The following CORIN variants were observed in gnomAD, a reference collection of about 807,000 sequenced individuals.
The protein encoded by CORIN is atrial natriuretic peptide-converting enzyme.
CORIN carries 117 observed loss-of-function variants against 125.3 expected under a neutral mutation model. The observed-to-expected ratio is 0.93, with a 90% CI of 0.80 to 1.09. The LOEUF (loss-of-function observed/expected upper bound fraction) is 1.09, where lower values mean the gene tolerates loss of function less well. Among genes scored for constraint, CORIN ranks in the 50% least tolerant of loss-of-function variants. The pLI is 0.00. For synonymous variants in CORIN, 450 were observed against 466.4 expected (o/e 0.96, Z 0.45); for missense variants, 1,253 against 1,306.7 (o/e 0.96, Z 0.63).
chr4:47,681,562 CTGG>C (rs369485667), intron 7 of CORIN: 14 of 152,312 alleles, frequency 9.2e-5, no homozygotes, highest in African/African-American at 3.4e-4. Context: ...AATTATCTCA[CTGG>C]TAAAGGGAAG....
intron 19 of CORIN, among the ~76,000 whole-genome samples, chr4:47,623,092 C>CTATATATATA (rs34165105): frequency 1.8e-5 from 2 of 111,126 alleles, no homozygotes; most frequent in South Asian, 3.1e-4. Context: ...CTCTCTCTCT[C>CTATATATATA]TCTCTATATA....
chr4:47,691,943 C>T (rs1018662365), intron 6 of CORIN, among the ~76,000 whole-genome samples: 32 of 152,234 alleles, frequency 2.1e-4, no homozygotes, highest in African/African-American at 6.5e-4. Flanking sequence ...GATCAGTATT[C>T]TCAAGCACTT....
Position 47,594,076 on chromosome 4 carries a change from T to G in CORIN, c.*1645A>C, listed in dbSNP as rs1721163020. Reference sequence around the variant, plus strand: ...ATATATATATTTCACTGAGCCTAAGTTGAGCAGGCTAAAAGTTGATACATT... The same window carrying G: ...ATATATATATTTCACTGAGCCTAAGGTGAGCAGGCTAAAAGTTGATACATT... On this transcript the variant is annotated 3_prime_UTR_variant, in exon 22 of 22. Coordinates refer to ENST00000273857, the MANE Select transcript of CORIN (RefSeq NM_006587.4). The G allele has an allele frequency of 1.3e-5, 2 of 151,990 alleles. No individual in the cohort carries two copies. The highest frequency in any genetic ancestry group is 4.8e-5 in the African/African-American group (2 of 41,422). The allele number at this position is 151,990 out of a possible 1,614,324, so 9.4% of individuals were successfully genotyped here. A position where few individuals can be genotyped will look rare whatever the true frequency, so the allele number is the denominator to read the frequency against.
At chr4:47,774,636 A>G (rs1730208781) in intron 3 of CORIN, among the ~76,000 whole-genome samples, 1 of 152,122 alleles carries the variant, frequency 6.6e-6, no homozygotes, top group Non-Finnish European at 1.5e-5. Context: ...GGTCAAAGCA[A>G]AGAGGAAAAG....
At chr4:47,702,276 C>T (rs917512592) in intron 5 of CORIN, among the ~76,000 whole-genome samples, 1 of 152,068 alleles carries the variant, frequency 6.6e-6, no homozygotes, top group East Asian at 1.9e-4. Flanking sequence ...TAAACAAATA[C>T]AGGATGGTTT....
intron 1 of CORIN, among the ~76,000 whole-genome samples, chr4:47,835,034 A>G (rs1733314565): frequency 6.6e-6 from 1 of 152,200 alleles, no homozygotes; most frequent in South Asian, 2.1e-4. Context: ...CAGGTCATCT[A>G]CAGCACCTTC....
At chr4:47,777,006 C>A (rs532779856) in intron 3 of CORIN, among the ~76,000 whole-genome samples, 1 of 152,040 alleles carries the variant, frequency 6.6e-6, no homozygotes, top group African/African-American at 2.4e-5. Flanking sequence ...GAATTGAAAT[C>A]GATCATGTTT....
chr4:47,794,413 T>C (rs919470889), intron 2 of CORIN, among the ~76,000 whole-genome samples: 1 of 152,172 alleles, frequency 6.6e-6, no homozygotes, highest in East Asian at 1.9e-4. Flanking sequence ...ATAGTCTACA[T>C]ACCACTATAA....
chr4:47,664,747 T>C (rs1047281551), intron 11 of CORIN, among the ~76,000 whole-genome samples: 1 of 152,194 alleles, frequency 6.6e-6, no homozygotes, highest in African/African-American at 2.4e-5. Flanking sequence ...AAAAAATGGC[T>C]TTTTAATACA....
chr4:47,788,011 G>A (rs1375488542), intron 2 of CORIN, among the ~76,000 whole-genome samples: 1 of 152,160 alleles, frequency 6.6e-6, no homozygotes, highest in Non-Finnish European at 1.5e-5. Flanking sequence ...TTGTCTTTAG[G>A]AAGAAACATT....
intron 3 of CORIN, among the ~76,000 whole-genome samples, chr4:47,777,126 T>G (rs951439523): frequency 6.6e-6 from 1 of 152,222 alleles, no homozygotes; most frequent in Admixed American, 6.5e-5. Context: ...ACAGGACTTC[T>G]GTCTTATCCA....
intron 3 of CORIN, 115 bp from the exon 4 acceptor site, chr4:47,763,701 A>T (rs1353050278): frequency 3.9e-6 from 3 of 778,290 alleles, no homozygotes; most frequent in Non-Finnish European, 6.3e-6. Flanking sequence ...AAAAATTTAG[A>T]TATGCAATCA....
At chr4:47,612,278 C>A (rs999484609) in intron 19 of CORIN, among the ~76,000 whole-genome samples, 1 of 152,110 alleles carries the variant, frequency 6.6e-6, no homozygotes, top group Admixed American at 6.6e-5. Flanking sequence ...ACAAGCCCTG[C>A]CCATCCTGAG....
intron 10 of CORIN, among the ~76,000 whole-genome samples, chr4:47,673,721 G>A (rs541692551): frequency 8.5e-5 from 13 of 152,208 alleles, no homozygotes; most frequent in Non-Finnish European, 1.5e-4. Flanking sequence ...TAATGGTTCC[G>A]AAACCATTAC....
At chr4:47,635,635 T>G (rs954504860) in intron 16 of CORIN, among the ~76,000 whole-genome samples, 7 of 152,192 alleles carry the variant, frequency 4.6e-5, no homozygotes, top group African/African-American at 1.4e-4. Flanking sequence ...GGCCAAATTA[T>G]GCAGTGTCTG....
At position 47,786,781 on chromosome 4, in the gene CORIN, A is replaced by G. The variant is rs1461882748; in HGVS notation, c.353T>C (p.Val118Ala). ...VVSTAHPDQH[V>A]PAWTTDASLP... ...AGAAGCATCCGTAGTCCAGGCTGGA[A>G]CGTGTTGGTCGGGATGTGCAGTAGA... The change falls in exon 3 of 22, where the codon GTT (valine) becomes GCT (alanine). Residue 118 changes from valine to alanine, a missense_variant. Physicochemically the swap from Val to Ala is moderately conservative, Grantham distance 64. Transcript: ENST00000273857. 1 of 1,614,174 alleles carries G rather than the reference A, an allele frequency of 6.2e-7. No homozygotes were observed. Among genetic ancestry groups the G allele is most frequent in the East Asian group, 2.2e-5 (1 of 44,884 alleles).
chr4:47,777,177 C>T (rs554037129), intron 3 of CORIN, among the ~76,000 whole-genome samples: 1 of 152,206 alleles, frequency 6.6e-6, no homozygotes, highest in Non-Finnish European at 1.5e-5. Context: ...GTATGACATC[C>T]AATAAATAGC....
intron 16 of CORIN, among the ~76,000 whole-genome samples, chr4:47,630,495 C>T (rs1013167498): frequency 1.3e-5 from 2 of 152,146 alleles, no homozygotes; most frequent in Non-Finnish European, 2.9e-5. Context: ...GTCACTGTAT[C>T]CTAACTGAGT....
chr4:47,600,055 G>A lies in CORIN; in HGVS notation c.2946+159C>T, dbSNP rs566821171. Among the ~76,000 whole-genome samples the A allele has an allele frequency of 2.4e-4, 37 of 152,318 alleles. 1 individual carries two copies. The South Asian group carries it at 7.7e-3, about 32-fold the overall frequency. ...GGGTGTAATTGTGGGGATTGCTTGTGTACCAGCTGCAGGAAAATGTGCTGT... is the reference window on the plus strand; with the variant it reads ...GGGTGTAATTGTGGGGATTGCTTGTATACCAGCTGCAGGAAAATGTGCTGT... On this transcript the variant is annotated intron_variant, in intron 21 of 21. Transcript: ENST00000273857.
Sources: allele counts gnomAD v4.1 joint callset (sites outside exome capture counted in the v4.1 genomes callset), GRCh38; gene constraint gnomAD v4.1.1; transcripts MANE v1.5; gene names NCBI Gene and HGNC (gene_info 2026-07-23, HGNC 2026-07-21).